The following DNAAF11 variants were observed in gnomAD, a reference collection of about 807,000 sequenced individuals.
The protein encoded by DNAAF11 is dynein axonemal assembly factor 11, also known as leucine rich repeat containing 6.
DNAAF11 carries 45 observed loss-of-function variants against 60.8 expected under a neutral mutation model. The ratio of observed to expected loss-of-function variants is 0.74; its 90% CI spans 0.58 to 0.95. The LOEUF is 0.95. Among genes scored for constraint, DNAAF11 ranks in the 40% least tolerant of loss-of-function variants. The pLI is 0.00. For missense variants in DNAAF11, 546 were observed against 546.2 expected, an observed-to-expected ratio of 1.00 and a Z score of 0.00; for synonymous variants, 191 against 183.5, an observed-to-expected ratio of 1.04 and a Z score of -0.33.
chr8:132,679,217 A>G (rs1825830509), upstream of DNAAF11, among the ~76,000 whole-genome samples: 1 of 152,188 alleles, frequency 6.6e-6, no homozygotes, highest in Admixed American at 6.5e-5. Flanking sequence ...GAGGGCAGAG[A>G]GGGAATTTTG....
intron 1 of DNAAF11, among the ~76,000 whole-genome samples, chr8:132,672,151 A>T (rs1825251398): frequency 6.6e-6 from 1 of 152,244 alleles, no homozygotes; most frequent in Admixed American, 6.5e-5. Flanking sequence ...AAGGATAAGA[A>T]AACAAATCAA....
rs142575670 is a variant in DNAAF11, at chr8:132,610,238, T to C, written c.1068A>G (p.Ala356=). The change falls in exon 10 of 12, where the codon GCA becomes GCG. Residue 356 remains alanine (A), a synonymous_variant. Transcript: ENST00000620350. ...KGKPFQLVLP[A]EVKPDSSSAK... is the part of the protein sequence containing the mutation. ...CAGAACTACTATCGGGTTTCACTTC[T>C]GCAGGAAGGACAAGCTGAAATGGCT... 63 of 1,613,662 alleles carry C rather than the reference T, an allele frequency of 3.9e-5. No homozygotes were observed. Among genetic ancestry groups the C allele is most frequent in the Middle Eastern group, 1.6e-4 (1 of 6,082 alleles).
chr8:132,694,406 A>G, the DNAAF11 span, among the ~76,000 whole-genome samples: 1 of 152,146 alleles, frequency 6.6e-6, no homozygotes, highest in Non-Finnish European at 1.5e-5. Flanking sequence ...GGATGTGAAG[A>G]TGCAGGGAGA....
At chr8:132,594,734 G>A (rs778928936) in intron 10 of DNAAF11, among the ~76,000 whole-genome samples, 26 of 152,196 alleles carry the variant, frequency 1.7e-4, no homozygotes, top group Non-Finnish European at 2.6e-4. Context: ...CATGTAAGAT[G>A]TGCCTGCTTC....
chr8:132,672,119 A>G (rs1159612624), intron 1 of DNAAF11, among the ~76,000 whole-genome samples: 1 of 152,230 alleles, frequency 6.6e-6, no homozygotes, highest in African/African-American at 2.4e-5. Context: ...TATCCAGAAT[A>G]TATAGAAGAC....
the DNAAF11 span, among the ~76,000 whole-genome samples, chr8:132,693,713 A>T: frequency 2.0e-5 from 3 of 152,054 alleles, no homozygotes; most frequent in South Asian, 4.1e-4. Flanking sequence ...TTGCTTCCTT[A>T]TTTAGGAGAA....
rs566393334 is a variant in DNAAF11 at position 132,652,735 on chromosome 8, G to A, written c.256+4095C>T. Among the ~76,000 whole-genome samples the A allele has an allele frequency of 3.2e-4, 48 of 152,154 alleles. No individual in the cohort carries two copies. In the Middle Eastern group the frequency reaches 0.01, roughly 32 times the overall value. Reference sequence around the variant, plus strand: ...ACGTTCTCACTCATAAGTGGGAATTGAACAATAAGAACACATGGACACAGG... The same window carrying A: ...ACGTTCTCACTCATAAGTGGGAATTAAACAATAAGAACACATGGACACAGG... On this transcript the variant is annotated intron_variant, in intron 3 of 11. Coordinates refer to ENST00000620350, the MANE Select transcript of DNAAF11 (RefSeq NM_012472.6).
At position 132,675,479 on chromosome 8, in the gene DNAAF11, C is replaced by A; in HGVS notation, c.10+5G>T. 1.9e-6 allele frequency: 3 copies of A among 1,567,192 alleles called. No individual in the cohort carries two copies. The highest frequency in any genetic ancestry group is 2.6e-6 in the Non-Finnish European group (3 of 1,153,850). On this transcript the variant is annotated splice_donor_5th_base_variant and intron_variant, in intron 1 of 11. Coordinates refer to ENST00000620350, the MANE Select transcript of DNAAF11 (RefSeq NM_012472.6). Reference sequence around the variant, plus strand: ...ATCGAGGACGGAAGGTGGAGGGGGGCTTACTCCAGCCCATGGCGCCTCTCC... The same window carrying A: ...ATCGAGGACGGAAGGTGGAGGGGGGATTACTCCAGCCCATGGCGCCTCTCC...
chr8:132,588,499 G>T (rs1816133641), intron 10 of DNAAF11, among the ~76,000 whole-genome samples: 1 of 152,162 alleles, frequency 6.6e-6, no homozygotes, highest in Non-Finnish European at 1.5e-5. Flanking sequence ...GGACTGAGAG[G>T]CAGATATGGA....
At chr8:132,673,327 A>T (rs948424409) in intron 1 of DNAAF11, among the ~76,000 whole-genome samples, 1 of 152,166 alleles carries the variant, frequency 6.6e-6, no homozygotes. Flanking sequence ...ATCAAACAAG[A>T]GAATGCAGGT....
chr8:132,606,973 T>C (rs572384673), intron 10 of DNAAF11, among the ~76,000 whole-genome samples: 1 of 152,352 alleles, frequency 6.6e-6, no homozygotes, highest in East Asian at 1.9e-4. Flanking sequence ...TTGTTTATTG[T>C]TGTAGAAAGA....
At chr8:132,604,270 T>C (rs1183832459) in intron 10 of DNAAF11, among the ~76,000 whole-genome samples, 1 of 152,202 alleles carries the variant, frequency 6.6e-6, no homozygotes. Flanking sequence ...AAGTGGAATG[T>C]GTGCAACTAA....
Position 132,615,073 on chromosome 8 carries a change from G to C in DNAAF11, c.939C>G (p.Asn313Lys). The C allele has an allele frequency of 6.2e-7, 1 of 1,607,506 alleles. No individual in the cohort carries two copies. The highest frequency in any genetic ancestry group is 8.5e-7 in the Non-Finnish European group (1 of 1,174,664). The change falls in exon 8 of 12, where the codon AAC becomes AAG. Residue 313 changes from asparagine (N) to lysine (K), a missense_variant. By Grantham distance (94) the Asn-to-Lys change is moderately conservative (BLOSUM62 0). Transcript: ENST00000620350. ...CAAGGTCCAGGATGATCTGCTTTTC[G>C]TTATCTTTCAAAGAGAAGTCAATTC... Reference protein sequence around the residue: ...EPKIDFSLKDNEKQIILDLAV... With the variant: ...EPKIDFSLKDKEKQIILDLAV...
chr8:132,652,093 A>G (rs900843983), intron 3 of DNAAF11, among the ~76,000 whole-genome samples: 7 of 152,264 alleles, frequency 4.6e-5, no homozygotes, highest in African/African-American at 1.4e-4. Context: ...ACCATGACCT[A>G]AGTAAAGTCC....
intron 1 of DNAAF11, among the ~76,000 whole-genome samples, chr8:132,670,177 A>G (rs1586750405): frequency 6.6e-6 from 1 of 152,072 alleles, no homozygotes; most frequent in African/African-American, 2.4e-5. Flanking sequence ...ATGAAATGAA[A>G]AGCAGAAAAA....
chr8:132,580,723 G>A (rs1389076461), intron 11 of DNAAF11, among the ~76,000 whole-genome samples: 2 of 152,132 alleles, frequency 1.3e-5, no homozygotes, highest in East Asian at 3.8e-4. Context: ...AAAGGACAGA[G>A]AGATACTAAT....
intron 10 of DNAAF11, among the ~76,000 whole-genome samples, chr8:132,607,154 C>G (rs1818216401): frequency 6.6e-6 from 1 of 152,164 alleles, no homozygotes; most frequent in Non-Finnish European, 1.5e-5. Flanking sequence ...TGCAGGTGTA[C>G]CACTTTTTAT....
At chr8:132,572,844 G>A (rs948813375) in intron 11 of DNAAF11, among the ~76,000 whole-genome samples, 1 of 152,152 alleles carries the variant, frequency 6.6e-6, no homozygotes, top group Non-Finnish European at 1.5e-5. Context: ...AATCCTTCCA[G>A]GCAGCTCTTA....
At chr8:132,680,643 A>G in the DNAAF11 span, among the ~76,000 whole-genome samples, 3 of 152,070 alleles carry the variant, frequency 2.0e-5, no homozygotes, top group Non-Finnish European at 4.4e-5. Flanking sequence ...CAGCACGACT[A>G]CAAGTCTCAG....
Sources: allele counts gnomAD v4.1 joint callset (sites outside exome capture counted in the v4.1 genomes callset), GRCh38; gene constraint gnomAD v4.1.1; transcripts MANE v1.5; gene names NCBI Gene and HGNC (gene_info 2026-07-23, HGNC 2026-07-21).